The following FLOT2 variants were observed in gnomAD, a reference collection of about 807,000 sequenced individuals.
The protein encoded by FLOT2 is flotillin-2.
Under a neutral mutation model 54.9 loss-of-function variants are expected in FLOT2, and 35 were observed. The ratio of observed to expected loss-of-function variants is 0.64; its 90% CI spans 0.49 to 0.84. The LOEUF (loss-of-function observed/expected upper bound fraction) is 0.84, where lower values mean the gene tolerates loss of function less well. FLOT2 is among the 40% of genes least tolerant of loss of function. The probability of loss-of-function intolerance (pLI) is 0.00; values close to 1 mark genes in which losing one functional copy is unlikely to be tolerated. For synonymous variants in FLOT2, 207 were observed against 228.9 expected, an observed-to-expected ratio of 0.90 and a Z score of 0.86; for missense variants, 464 against 572.1, an observed-to-expected ratio of 0.81 and a Z score of 1.93.
intron 2 of FLOT2, among the ~76,000 whole-genome samples, chr17:28,887,649 A>G (rs1457685390): frequency 5.9e-5 from 9 of 152,234 alleles, no homozygotes; most frequent in Non-Finnish European, 1.3e-4. Context: ...CACGCAGGGC[A>G]GGTGTCTGGA....
Position 28,880,874 on chromosome 17 carries a change from G to C in FLOT2, c.1099-12C>G. On this transcript the variant is annotated splice_polypyrimidine_tract_variant and intron_variant, in intron 9 of 10. Coordinates refer to ENST00000394908, the MANE Select transcript of FLOT2 (RefSeq NM_004475.3). ...ATTTTGGCAGCAATCTAGGAGGTAAGAGTGGGAGGACAGCCTGGTTGGCGC... is the reference window on the plus strand; with the variant it reads ...ATTTTGGCAGCAATCTAGGAGGTAACAGTGGGAGGACAGCCTGGTTGGCGC... 1 of 1,613,776 alleles carries C rather than the reference G, an allele frequency of 6.2e-7. No individual in the cohort carries two copies. The highest frequency in any genetic ancestry group is 1.6e-4 in the Middle Eastern group (1 of 6,062).
chr17:28,885,676 G>C (rs2039527082), intron 2 of FLOT2: 2 of 717,882 alleles, frequency 2.8e-6, no homozygotes, highest in Non-Finnish European at 2.6e-6. Context: ...AATAGGCAAG[G>C]GCAAGGGACC....
chr17:28,890,862 C>CTTTT (rs869029497), intron 1 of FLOT2, among the ~76,000 whole-genome samples: 3 of 74,962 alleles, frequency 4.0e-5, no homozygotes, highest in African/African-American at 9.8e-5. Flanking sequence ...ATCATTTCTT[C>CTTTT]TTTTTTTTTT....
intron 1 of FLOT2, among the ~76,000 whole-genome samples, chr17:28,891,628 T>C (rs2039652960): frequency 6.6e-6 from 1 of 152,250 alleles, no homozygotes; most frequent in Non-Finnish European, 1.5e-5. Context: ...TAGCAACATA[T>C]GACTGTTGTG....
Position 28,880,204 on chromosome 17 carries a change from T to C in FLOT2, c.*357A>G. On this transcript the variant is annotated 3_prime_UTR_variant, in exon 11 of 11. Coordinates refer to ENST00000394908, the MANE Select transcript of FLOT2 (RefSeq NM_004475.3). ...CACAGAGAACTTCAAGGCACCAGGA[T>C]TCTGAGGAGCAGCAGGGCCACCCCC... 2 of 1,138,870 alleles carry C rather than the reference T, an allele frequency of 1.8e-6. No homozygotes were observed. Among genetic ancestry groups the C allele is most frequent in the Non-Finnish European group, 2.2e-6 (2 of 922,024 alleles). 70.5% of individuals were successfully genotyped at this position (1,138,870 alleles called of 1,614,324 possible).
chr17:28,886,632 C>T (rs544978681), intron 2 of FLOT2, among the ~76,000 whole-genome samples: 7 of 152,150 alleles, frequency 4.6e-5, no homozygotes, highest in African/African-American at 1.2e-4. Flanking sequence ...CAAGGTGCCT[C>T]GAAGCTCCCT....
Position 28,881,944 on chromosome 17 carries a change from C to A in FLOT2, c.784G>T (p.Val262Leu). 1 of 1,614,104 alleles carries A rather than the reference C, an allele frequency of 6.2e-7. No homozygotes were observed. Among genetic ancestry groups the A allele is most frequent in the Non-Finnish European group, 8.5e-7 (1 of 1,180,054 alleles). The change falls in exon 8 of 11, where the codon GTG (valine) becomes TTG (leucine). Residue 262 changes from valine (V) to leucine (L), a missense_variant. Coordinates refer to ENST00000394908, the MANE Select transcript of FLOT2 (RefSeq NM_004475.3). ...ACGGCAATCTGTTTCTTGCGCTGCA[C>A]AACCTCAATCTCAATCTCTTCCTGC... ...IRQEEIEIEV[V>L]QRKKQIAVEA...
At chr17:28,881,522 C>G in intron 8 of FLOT2, 147 bp from the exon 9 acceptor site, 1 of 858,292 alleles carries the variant, frequency 1.2e-6, no homozygotes, top group Non-Finnish European at 1.8e-6. Context: ...CCTGACCTTC[C>G]GGCTCTGGCC....
At chr17:28,893,145 G>A (rs2039681439) in intron 1 of FLOT2, 1 of 152,164 alleles carries the variant, frequency 6.6e-6, no homozygotes, top group Non-Finnish European at 1.5e-5. Flanking sequence ...CACTCAGCCT[G>A]AGCACCCCTC....
Position 28,885,916 on chromosome 17 carries a change from G to A in FLOT2, c.132-1601C>T, listed in dbSNP as rs1450840028. On this transcript the variant is annotated intron_variant, in intron 2 of 10. Transcript: ENST00000394908. ...TCCGACGTCTCAATATTCTCACAGC[G>A]ACACAGGATGGTCATAACCTCCAGA... The A allele has an allele frequency of 3.9e-6, 6 of 1,550,236 alleles. No individual in the cohort carries two copies. The African/African-American group carries it at 4.1e-5, about 11-fold the overall frequency.
chr17:28,884,362 C>A lies in FLOT2; in HGVS notation c.132-47G>T. ...GGGCATGGGTCTGGGGGCGCAGGGC[C>A]TGGTGGTGTTGGGAAAGAGGCCAGT... On this transcript the variant is annotated intron_variant, in intron 2 of 10. Coordinates refer to ENST00000394908, the MANE Select transcript of FLOT2 (RefSeq NM_004475.3). This position sits in a 1 kb window ranked among gnomAD's most constrained non-coding sequence, Gnocchi z 5.1. 7.6e-7 allele frequency: 1 copy of A among 1,323,844 alleles called. No individual in the cohort carries two copies. The highest frequency in any genetic ancestry group is 1.3e-5 in the South Asian group (1 of 78,900). 82.0% of individuals were successfully genotyped at this position (1,323,844 alleles called of 1,614,324 possible). A position where few individuals can be genotyped will look rare whatever the true frequency, so the allele number is the denominator to read the frequency against.
rs1207177808 is a variant in FLOT2 at position 28,884,240 on chromosome 17, C to T, written c.207G>A (p.Val69=). The change falls in exon 3 of 11, where the codon GTG becomes GTA. Residue 69 remains valine, a synonymous_variant. Coordinates refer to ENST00000394908, the MANE Select transcript of FLOT2 (RefSeq NM_004475.3). This position sits in a 1 kb window ranked among gnomAD's most constrained non-coding sequence, Gnocchi z 5.1. The stretch of plus-strand genomic sequence containing the variant: ...GTTACTATACCTGGGCGACACCCGT[C>T]ACAGTTAAAGCTACCCCCTCGGCCG... The part of the protein sequence containing the change: ...VETAEGVALT[V]TGVAQVKIMT... The T allele has an allele frequency of 6.2e-7, 1 of 1,612,862 alleles. No homozygotes were observed. Among genetic ancestry groups the T allele is most frequent in the Non-Finnish European group, 8.5e-7 (1 of 1,179,090 alleles).
At chr17:28,881,096 T>C (rs1443845701) in intron 9 of FLOT2, 96 bp downstream of exon 9, 21 of 1,209,698 alleles carry the variant, frequency 1.7e-5, no homozygotes, top group Non-Finnish European at 2.5e-5. Context: ...CATCTGTCCC[T>C]GTGTTACTCG....
At chr17:28,886,858 C>T (rs2039555450) in intron 2 of FLOT2, among the ~76,000 whole-genome samples, 1 of 152,236 alleles carries the variant, frequency 6.6e-6, no homozygotes, top group African/African-American at 2.4e-5. Context: ...GCCACCCCCA[C>T]AGTGCCAGCC....
At chr17:28,894,789 T>C (rs2039715138) in intron 1 of FLOT2, among the ~76,000 whole-genome samples, 2 of 148,192 alleles carry the variant, frequency 1.3e-5, no homozygotes, top group African/African-American at 2.5e-5. Context: ...AGAGCAAGAC[T>C]GTATTTAAAA....
Position 28,880,836 on chromosome 17 carries a change from A to T in FLOT2, c.1125T>A (p.Leu375=). ...PQIAAKIAAP[L]TKVDEIVVLS... ...GGACCACAATCTCATCGACCTTGGT[A>T]AGTGGGGCAGCGATTTTGGCAGCAA... is the stretch of plus-strand genomic sequence containing the variant. The change falls in exon 10 of 11, where the codon CTT becomes CTA. Residue 375 remains leucine (L), a synonymous_variant. Transcript: ENST00000394908. 6.2e-7 allele frequency: 1 copy of T among 1,614,132 alleles called. No homozygotes were observed. Among genetic ancestry groups the T allele is most frequent in the Non-Finnish European group, 8.5e-7 (1 of 1,180,040 alleles).
In FLOT2 at chr17:28,880,848, G is replaced by A. The variant is rs377730485; in HGVS notation, c.1113C>T (p.Ile371=). The stretch of plus-strand genomic sequence containing the variant: ...CATCGACCTTGGTAAGTGGGGCAGC[G>A]ATTTTGGCAGCAATCTAGGAGGTAA... ...LEALPQIAAK[I]AAPLTKVDEI... The change falls in exon 10 of 11, where the codon ATC becomes ATT. Residue 371 remains isoleucine, a synonymous_variant. Transcript: ENST00000394908. 4.3e-6 allele frequency: 7 copies of A among 1,614,060 alleles called. No individual in the cohort carries two copies. The highest frequency in any genetic ancestry group is 2.7e-5 in the African/African-American group (2 of 75,042).
chr17:28,894,643 T>C (rs1001613644), intron 1 of FLOT2, among the ~76,000 whole-genome samples: 1 of 74,078 alleles, frequency 1.3e-5, no homozygotes, highest in Non-Finnish European at 3.1e-5. Context: ...TTTTTTTTTT[T>C]AAATACTGAG....
intron 2 of FLOT2, chr17:28,886,067 G>GGGGGGGGT: frequency 1.7e-6 from 1 of 579,700 alleles, no homozygotes; most frequent in South Asian, 1.6e-5. Context: ...GCGGGGGGGG[G>GGGGGGGGT]CATGCTGTCA....
Sources: gnomAD v4.1 joint callset for allele counts (sites outside exome capture counted in the v4.1 genomes callset) on GRCh38, gnomAD v4.1.1 for gene constraint, Gnocchi (gnomAD v3.1) non-coding constraint, MANE v1.5 for transcripts, NCBI Gene and HGNC (gene_info 2026-07-23, HGNC 2026-07-21) for gene names.